Variants in PAK4 observed in about 807,000 individuals in gnomAD.
PAK4 encodes the protein p21 (RAC1) activated kinase 4, also known as serine/threonine-protein kinase PAK 4.
PAK4 carries 49 observed loss-of-function variants against 53.5 expected under a neutral mutation model. That is an observed-to-expected ratio of 0.92 (90% confidence interval 0.73 to 1.16). The LOEUF (loss-of-function observed/expected upper bound fraction) is 1.16, where lower values mean the gene tolerates loss of function less well. Ranked by LOEUF, PAK4 falls within the 50% of genes most tolerant of loss-of-function variation. The pLI is 0.00. For missense variants in PAK4, 824 were observed against 850.7 expected, an observed-to-expected ratio of 0.97 and a Z score of 0.39; for synonymous variants, 376 against 375.6, an observed-to-expected ratio of 1.00 and a Z score of -0.01.
chr19:39,175,395 G>A lies in PAK4; in HGVS notation c.1316G>A (p.Arg439Gln), dbSNP rs558235356. 4.3e-6 allele frequency: 7 copies of A among 1,611,926 alleles called. No homozygotes were observed. Among genetic ancestry groups the A allele is most frequent in the Admixed American group, 1.7e-5 (1 of 59,850 alleles). The change falls in exon 6 of 9, where the codon CGG (arginine) becomes CAG (glutamine). Residue 439 changes from arginine to glutamine, a missense_variant. Coordinates refer to ENST00000358301, the Ensembl canonical transcript of PAK4. This position sits in a 1 kb window ranked among gnomAD's most constrained non-coding sequence, Gnocchi z 4.7. The stretch of plus-strand genomic sequence containing the variant: ...CTCCACGCCCAGGGCGTCATCCACC[G>A]GGACATCAAGAGCGACTCGATCCTG...
rs777017835 is a variant in PAK4, at chr19:39,173,991, G to A, written c.1079G>A (p.Arg360His). Residue 360 changes from arginine (R) to histidine (H), a missense_variant, in exon 4 of 9, where the codon CGC (arginine) becomes CAC (histidine). Physicochemically the swap from Arg to His is conservative, Grantham distance 29 (BLOSUM62 0). Transcript: ENST00000358301. The surrounding 1 kb of genome is among the most constrained non-coding windows in gnomAD (Gnocchi z 6.9). ...ATGGACCTGCGCAAGCAGCAGAGGC[G>A]CGAGCTGCTCTTCAACGAGGTGCGG... 2.5e-6 allele frequency: 4 copies of A among 1,600,446 alleles called. No individual in the cohort carries two copies. Among genetic ancestry groups the A allele is most frequent in the African/African-American group, 1.3e-5 (1 of 74,790 alleles).
At chr19:39,170,187 G>A (rs1047002847) in intron 2 of PAK4, among the ~76,000 whole-genome samples, 12 of 152,174 alleles carry the variant, frequency 7.9e-5, no homozygotes, top group Non-Finnish European at 1.5e-4. Context: ...GGGGAGCCCG[G>A]AGGAGGCACC....
At chr19:39,154,350 A>G (rs60229944) in intron 1 of PAK4, among the ~76,000 whole-genome samples, 2,866 of 152,256 alleles carry the variant, frequency 0.019, 96 homozygotes, top group African/African-American at 0.066. Flanking sequence ...ATTGTGTGTC[A>G]TGTGGCTGCC....
chr19:39,129,139 G>T (rs953183392), intron 1 of PAK4, among the ~76,000 whole-genome samples: 1 of 152,096 alleles, frequency 6.6e-6, no homozygotes, highest in African/African-American at 2.4e-5. Context: ...TAACTCCTGG[G>T]CTCAAGCTAT....
intron 8 of PAK4, 91 bp downstream of exon 9, chr19:39,177,900 T>TGATGGCGCCTGG: frequency 7.1e-7 from 1 of 1,413,544 alleles, no homozygotes. Context: ...ATGGGGACAA[T>TGATGGCGCCTGG]GATGGCGCCT....
chr19:39,129,119 A>C (rs190416762), intron 1 of PAK4, among the ~76,000 whole-genome samples: 1 of 152,210 alleles, frequency 6.6e-6, no homozygotes, highest in Non-Finnish European at 1.5e-5. Context: ...TGTTGCCTAG[A>C]CTGGACTCTT....
At chr19:39,172,314 G>A (rs1332297646) in intron 2 of PAK4, among the ~76,000 whole-genome samples, 1 of 152,138 alleles carries the variant, frequency 6.6e-6, no homozygotes, top group Non-Finnish European at 1.5e-5. Context: ...CAGAGGGTGG[G>A]GACCGGGTGA....
Position 39,175,720 on chromosome 19 carries a change from C to T in PAK4, c.1359+282C>T, listed in dbSNP as rs1400890628. On this transcript the variant is annotated intron_variant, in intron 6 of 8. Transcript: ENST00000358301. The surrounding 1 kb of genome is among the most constrained non-coding windows in gnomAD (Gnocchi z 4.7). ...TGGGCAGACAGCGCAGCCCCCGCCA[C>T]AGGCTTCTTCCTCCACTGAAAAGCT... Among the ~76,000 whole-genome samples the T allele has an allele frequency of 6.6e-6, 1 of 152,210 alleles. No individual in the cohort carries two copies. The highest frequency in any genetic ancestry group is 1.5e-5 in the Non-Finnish European group (1 of 68,026).
At chr19:39,148,854 T>C (rs1383204719) in intron 1 of PAK4, among the ~76,000 whole-genome samples, 3 of 152,140 alleles carry the variant, frequency 2.0e-5, no homozygotes, top group Non-Finnish European at 4.4e-5. Flanking sequence ...GGATTAAACT[T>C]CTTTTTTTCC....
At chr19:39,135,479 G>T (rs1014720851) in intron 1 of PAK4, among the ~76,000 whole-genome samples, 4 of 151,842 alleles carry the variant, frequency 2.6e-5, no homozygotes, top group Admixed American at 1.3e-4. Flanking sequence ...GGGATTACAG[G>T]CATGTGCCAC....
intron 1 of PAK4, among the ~76,000 whole-genome samples, chr19:39,130,341 G>C (rs191905466): frequency 1.3e-3 from 173 of 129,638 alleles, no homozygotes; most frequent in African/African-American, 4.9e-3. Context: ...ATGGTGGGGA[G>C]GGGCACAGAG....
chr19:39,166,017 G>A lies in PAK4; in HGVS notation c.-22-3515G>A, dbSNP rs1297001619. Among the ~76,000 whole-genome samples, 6 of 152,312 alleles carry A rather than the reference G, an allele frequency of 3.9e-5. No individual in the cohort carries two copies. The East Asian group carries it at 9.7e-4, about 25-fold the overall frequency. ...CCTGGAAGAGGGCTGGTATACAGTA[G>A]GTACTCAGTAAGTGCTGGCTGCTAT... On this transcript the variant is annotated intron_variant, in intron 1 of 8. Transcript: ENST00000358301.
rs772517651 is a variant in PAK4 at position 39,173,030 on chromosome 19, C to T, written c.317C>T (p.Pro106Leu). 99 of 1,549,020 alleles carry T rather than the reference C, an allele frequency of 6.4e-5. No homozygotes were observed. In the Admixed American group the frequency reaches 1.7e-3, roughly 27 times the overall value. Reference sequence around the variant, plus strand: ...AACTCCCTGCGGAGAGACAGCCCGCCGCCGCCCGCCCGTGCCCGCCAGGAA... The same window carrying T: ...AACTCCCTGCGGAGAGACAGCCCGCTGCCGCCCGCCCGTGCCCGCCAGGAA... Residue 106 changes from proline (P) to leucine (L), a missense_variant, in exon 3 of 9, where the codon CCG becomes CTG. Coordinates refer to ENST00000358301, the Ensembl canonical transcript of PAK4. The surrounding 1 kb of genome is among the most constrained non-coding windows in gnomAD (Gnocchi z 6.9).
At chr19:39,146,440 G>A (rs1300936272) in intron 1 of PAK4, among the ~76,000 whole-genome samples, 1 of 152,202 alleles carries the variant, frequency 6.6e-6, no homozygotes, top group Non-Finnish European at 1.5e-5. Context: ...CATGTTCAAA[G>A]GCTAAAAGTT....
At chr19:39,146,490 T>C (rs1310735301) in intron 1 of PAK4, among the ~76,000 whole-genome samples, 1 of 152,248 alleles carries the variant, frequency 6.6e-6, no homozygotes, top group East Asian at 1.9e-4. Flanking sequence ...ATTACTATTT[T>C]TAAGAAAACT....
intron 1 of PAK4, among the ~76,000 whole-genome samples, chr19:39,154,713 A>G (rs1600355174): frequency 6.6e-6 from 1 of 150,654 alleles, no homozygotes; most frequent in African/African-American, 2.4e-5. Context: ...ATCCCCATCC[A>G]CTCCCCGCCA....
intron 8 of PAK4, 119 bp downstream of exon 9, chr19:39,177,928 G>T: frequency 8.4e-7 from 1 of 1,186,554 alleles, no homozygotes; most frequent in Admixed American, 2.7e-5. Context: ...CGCTTACTGT[G>T]TGCTGGGCCC....
chr19:39,148,466 C>CTTTTTTTTTTTGTTTTTTTTTTT (rs2074040393), intron 1 of PAK4, among the ~76,000 whole-genome samples: 1 of 56,786 alleles, frequency 1.8e-5, no homozygotes, highest in African/African-American at 7.6e-5. Flanking sequence ...GTTTCTTCTG[C>CTTTTTTTTTTTGTTTTTTTTTTT]TTTTTTTTTT....
intron 1 of PAK4, chr19:39,156,615 C>T (rs3889485): frequency 0.23 from 35,527 of 151,782 alleles, 4,574 homozygotes; most frequent in East Asian, 0.45. Context: ...GGCCCAGCCC[C>T]GCCTCCCTCC....
Sources: gnomAD v4.1 joint callset for allele counts (sites outside exome capture counted in the v4.1 genomes callset) on GRCh38, gnomAD v4.1.1 for gene constraint, Gnocchi (gnomAD v3.1) non-coding constraint, MANE v1.5 for transcripts, NCBI Gene and HGNC (gene_info 2026-07-23, HGNC 2026-07-21) for gene names.